Variants in DICER1 observed in about 807,000 individuals in gnomAD.
DICER1 encodes the protein dicer 1, ribonuclease III.
A neutral mutation model predicts 194.1 loss-of-function variants in DICER1; 43 were observed. The ratio of observed to expected loss-of-function variants is 0.22; its 90% CI spans 0.17 to 0.29. The LOEUF (loss-of-function observed/expected upper bound fraction) is 0.29. Among genes scored for constraint, DICER1 ranks in the 10% least tolerant of loss-of-function variants. The probability of loss-of-function intolerance (pLI) is 1.00; values close to 1 mark genes in which losing one functional copy is unlikely to be tolerated. For synonymous variants in DICER1, 832 were observed against 820.5 expected (o/e 1.01, Z -0.24); for missense variants, 1,608 against 2,317.0 (o/e 0.69, Z 6.28).
intron 14 of DICER1, among the ~76,000 whole-genome samples, chr14:95,110,359 G>A (rs1371378732): frequency 6.6e-6 from 1 of 152,166 alleles, no homozygotes; most frequent in African/African-American, 2.4e-5. Flanking sequence ...TCTGTGGCAG[G>A]GCACACGCAC....
chr14:95,101,659 AT>A (rs1890889609), intron 21 of DICER1, among the ~76,000 whole-genome samples: 1 of 152,076 alleles, frequency 6.6e-6, no homozygotes, highest in African/African-American at 2.4e-5. Context: ...CGTGGTTGTT[AT>A]GACTGCGCCT....
chr14:95,133,091 A>T (rs564859940), intron 2 of DICER1, among the ~76,000 whole-genome samples: 1 of 152,314 alleles, frequency 6.6e-6, no homozygotes, highest in South Asian at 2.1e-4. Flanking sequence ...AGGTTTTCAG[A>T]GGGGGAAAAA....
In DICER1 at chr14:95,103,866, C is replaced by A. The variant is rs1160985143; in HGVS notation, c.3530G>T (p.Gly1177Val). Reference protein sequence around the residue: ...EVSADLTAINGLSYNQNLANG... With the variant: ...EVSADLTAINVLSYNQNLANG... ...GGCGAGATTTTGATTGTAAGAAAGACCATTAATTGCTGTAAGATCTGCTGA... is the reference window on the plus strand; with the variant it reads ...GGCGAGATTTTGATTGTAAGAAAGAACATTAATTGCTGTAAGATCTGCTGA... Residue 1177 changes from glycine to valine, a missense_variant, in exon 21 of 27, where the codon GGT (glycine) becomes GTT (valine). Physicochemically the swap from Gly to Val is moderately radical, Grantham distance 109. This residue lies in a region of DICER1 where 222 missense variants were observed against 215.5 expected (regional missense o/e 1.03). Transcript: ENST00000343455. The A allele has an allele frequency of 1.9e-6, 3 of 1,614,024 alleles. No homozygotes were observed. Among genetic ancestry groups the A allele is most frequent in the Admixed American group, 1.7e-5 (1 of 59,998 alleles).
rs1018557608 is a variant in DICER1, at chr14:95,135,463, T to C, written c.-45-1960A>G. Among the ~76,000 whole-genome samples, 22 of 152,344 alleles carry C rather than the reference T, an allele frequency of 1.4e-4. 1 individual carries two copies. The highest frequency in any genetic ancestry group is 3.4e-3 in the Middle Eastern group (1 of 294). On this transcript the variant is annotated intron_variant, in intron 1 of 26. Transcript: ENST00000343455. ...CCCCTCCTCCCTACAACTGTCACCA[T>C]TTCTTCTCATATAGATAACATTAGT... is the stretch of plus-strand genomic sequence containing the variant.
At position 95,091,036 on chromosome 14, in the gene DICER1, A is replaced by G. The variant is rs2139772732; in HGVS notation, c.5601T>C (p.Phe1867=). 1 of 1,613,282 alleles carries G rather than the reference A, an allele frequency of 6.2e-7. No homozygotes were observed. The highest frequency in any genetic ancestry group is 8.5e-7 in the Non-Finnish European group (1 of 1,179,744). ...LLEMEPETAK[F]SPAERTYDGK... ...TTCCATGTACATTTTTTGCTTACCT[A>G]AATTTGGCAGTTTCTGGTTCCATTT... The change falls in exon 26 of 27, where the codon TTT becomes TTC. Residue 1867 remains phenylalanine (F), a splice_region_variant and synonymous_variant. Coordinates refer to ENST00000343455, the MANE Select transcript of DICER1 (RefSeq NM_177438.3).
chr14:95,111,217 A>T, intron 14 of DICER1, 100 bp downstream of exon 14: 1 of 1,397,836 alleles, frequency 7.2e-7, no homozygotes, highest in Admixed American at 1.7e-5. Flanking sequence ...CCAAACTGTA[A>T]GGGTGTGGGA....
intron 20 of DICER1, among the ~76,000 whole-genome samples, chr14:95,104,591 A>T (rs567258414): frequency 1.3e-4 from 20 of 152,384 alleles, no homozygotes; most frequent in African/African-American, 4.6e-4. Context: ...TTGGCACTAT[A>T]GCAACTAACC....
chr14:95,129,196 A>G, intron 6 of DICER1: 1 of 386,724 alleles, frequency 2.6e-6, no homozygotes, highest in Non-Finnish European at 4.7e-6. Flanking sequence ...TTTACTGTCA[A>G]AGTTCCCAGT....
At chr14:95,149,742 TATTA>T (rs1313595809) in intron 1 of DICER1, among the ~76,000 whole-genome samples, 1 of 152,250 alleles carries the variant, frequency 6.6e-6, no homozygotes, top group East Asian at 1.9e-4. Context: ...AATAATTTTT[TATTA>T]ATTAATTCGA....
At chr14:95,149,411 T>C (rs1193325783) in intron 1 of DICER1, among the ~76,000 whole-genome samples, 1 of 152,162 alleles carries the variant, frequency 6.6e-6, no homozygotes, top group Admixed American at 6.5e-5. Flanking sequence ...CCAAAACAAG[T>C]GTGTACCAAC....
chr14:95,111,220 G>A, intron 14 of DICER1, 97 bp downstream of exon 14: 1 of 1,429,284 alleles, frequency 7.0e-7, no homozygotes, highest in Non-Finnish European at 9.9e-7. Flanking sequence ...AACTGTAAGG[G>A]TGTGGGAAGC....
chr14:95,156,824 G>A (rs1895908676), intron 1 of DICER1, among the ~76,000 whole-genome samples: 1 of 152,140 alleles, frequency 6.6e-6, no homozygotes, highest in African/African-American at 2.4e-5. Flanking sequence ...AGGGTGCTCC[G>A]GCAGGTCAGG....
At chr14:95,125,554 G>T (rs1893338526) in intron 7 of DICER1, among the ~76,000 whole-genome samples, 1 of 101,152 alleles carries the variant, frequency 9.9e-6, no homozygotes, top group Admixed American at 1.0e-4. Context: ...GAGAAGGTCG[G>T]GGGAGGGAGA....
chr14:95,117,883 C>CT, intron 8 of DICER1, 129 bp from the exon 9 acceptor site: 1 of 822,296 alleles, frequency 1.2e-6, no homozygotes, highest in Non-Finnish European at 1.9e-6. Context: ...GGTCTTGGTC[C>CT]TTTTTTCCCA....
intron 22 of DICER1, among the ~76,000 whole-genome samples, chr14:95,096,970 GT>G: frequency 7.0e-6 from 1 of 143,796 alleles, no homozygotes; most frequent in South Asian, 2.8e-4. Context: ...GAAGCTTTAA[GT>G]TAAGGACTTT....
At chr14:95,151,762 C>T (rs994818857) in intron 1 of DICER1, among the ~76,000 whole-genome samples, 6 of 152,150 alleles carry the variant, frequency 3.9e-5, no homozygotes, top group Non-Finnish European at 8.8e-5. Flanking sequence ...GGCTGGGCAG[C>T]AGGATGCATA....
intron 1 of DICER1, among the ~76,000 whole-genome samples, chr14:95,154,084 C>G (rs1025482517): frequency 1.3e-5 from 2 of 152,166 alleles, no homozygotes; most frequent in African/African-American, 4.8e-5. Flanking sequence ...AATTAAAGAC[C>G]TCACCAATAT....
chr14:95,087,242 T>A lies in DICER1; in HGVS notation c.*3256A>T, dbSNP rs1889407084. 1 of 233,190 alleles carries A rather than the reference T, an allele frequency of 4.3e-6. No individual in the cohort carries two copies. The highest frequency in any genetic ancestry group is 8.5e-6 in the Non-Finnish European group (1 of 117,880). The allele number at this position is 233,190 out of a possible 1,614,324, so 14.4% of individuals were successfully genotyped here. A position where few individuals can be genotyped will look rare whatever the true frequency, so the allele number is the denominator to read the frequency against. On this transcript the variant is annotated 3_prime_UTR_variant, in exon 27 of 27. Coordinates refer to ENST00000343455, the MANE Select transcript of DICER1 (RefSeq NM_177438.3). ...TATCAGAATCTTTCTGAGGGCAAAGTATTATTAACAAATAAAAATATCAGT... is the reference window on the plus strand; with the variant it reads ...TATCAGAATCTTTCTGAGGGCAAAGAATTATTAACAAATAAAAATATCAGT...
intron 1 of DICER1, chr14:95,134,633 T>C (rs1894218136): frequency 6.6e-6 from 1 of 152,206 alleles, no homozygotes; most frequent in African/African-American, 2.4e-5. Context: ...GGGTCTCTTA[T>C]ACAACACAAT....
Sources: gnomAD v4.1 joint callset for allele counts (sites outside exome capture counted in the v4.1 genomes callset) on GRCh38, gnomAD v4.1.1 for gene constraint, gnomAD v4.1.1 regional missense constraint, MANE v1.5 for transcripts, NCBI Gene and HGNC (gene_info 2026-07-23, HGNC 2026-07-21) for gene names.